Variants in DIAPH3 observed in about 807,000 individuals in gnomAD.
DIAPH3 encodes the protein protein diaphanous homolog 3.
Under a neutral mutation model 144.3 loss-of-function variants are expected in DIAPH3, and 117 were observed. The observed-to-expected ratio is 0.81, with a 90% CI of 0.70 to 0.95. DIAPH3 has a LOEUF of 0.95. Among genes scored for constraint, DIAPH3 ranks in the 40% least tolerant of loss-of-function variants. The probability of loss-of-function intolerance (pLI) is 0.00; values close to 1 mark genes in which losing one functional copy is unlikely to be tolerated. For missense variants in DIAPH3, 1,421 were observed against 1,412.7 expected (o/e 1.01, Z -0.09); for synonymous variants, 519 against 488.9 (o/e 1.06, Z -0.81).
chr13:59,862,082 G>A (rs1315683508), intron 21 of DIAPH3, among the ~76,000 whole-genome samples: 4 of 152,138 alleles, frequency 2.6e-5, no homozygotes, highest in African/African-American at 9.7e-5. Flanking sequence ...AGTTGTATGG[G>A]CTTAGGGAAA....
chr13:59,816,942 T>C (rs1375529910), intron 24 of DIAPH3, among the ~76,000 whole-genome samples: 1 of 151,970 alleles, frequency 6.6e-6, no homozygotes, highest in Non-Finnish European at 1.5e-5. Flanking sequence ...TTCAATATTG[T>C]TCAGGTATAA....
intron 9 of DIAPH3, among the ~76,000 whole-genome samples, chr13:60,008,001 A>G (rs1303219948): frequency 1.3e-5 from 2 of 152,216 alleles, no homozygotes; most frequent in African/African-American, 4.8e-5. Flanking sequence ...TAATAATTCT[A>G]CTACACGAAA....
At chr13:60,070,941 T>C (rs139756367) in intron 4 of DIAPH3, among the ~76,000 whole-genome samples, 145 of 152,322 alleles carry the variant, frequency 9.5e-4, no homozygotes, top group African/African-American at 3.3e-3. Flanking sequence ...GCTTTTGAAA[T>C]TGATGTATAA....
chr13:59,665,649 C>T lies in DIAPH3; in HGVS notation c.*935G>A, dbSNP rs1457863272. Reference sequence around the variant, plus strand: ...ATATAGAATTAACAGAGTAATGATGCCCAAATGAGGTAATATTACATTTGC... The same window carrying T: ...ATATAGAATTAACAGAGTAATGATGTCCAAATGAGGTAATATTACATTTGC... On this transcript the variant is annotated 3_prime_UTR_variant, in exon 28 of 28. Coordinates refer to ENST00000400324, the MANE Select transcript of DIAPH3 (RefSeq NM_001042517.2). The T allele has an allele frequency of 6.6e-6, 1 of 152,494 alleles. No homozygotes were observed. The highest frequency in any genetic ancestry group is 1.5e-5 in the Non-Finnish European group (1 of 68,008). 9.4% of individuals were successfully genotyped at this position (152,494 alleles called of 1,614,324 possible). A position where few individuals can be genotyped will look rare whatever the true frequency, so the allele number is the denominator to read the frequency against.
intron 7 of DIAPH3, 93 bp downstream of exon 7, chr13:60,015,820 C>T: frequency 9.0e-7 from 1 of 1,113,962 alleles, no homozygotes; most frequent in South Asian, 1.3e-5. Context: ...TACTAAAAAA[C>T]ACATCAGAAC....
intron 27 of DIAPH3, among the ~76,000 whole-genome samples, chr13:59,698,368 TC>T (rs973817102): frequency 6.6e-6 from 1 of 152,180 alleles, no homozygotes; most frequent in African/African-American, 2.4e-5. Flanking sequence ...TAAAATGATG[TC>T]TTTTTAGTGA....
At chr13:60,147,838 G>T (rs1317217216) in intron 1 of DIAPH3, among the ~76,000 whole-genome samples, 2 of 152,178 alleles carry the variant, frequency 1.3e-5, no homozygotes, top group Non-Finnish European at 1.5e-5. Flanking sequence ...TTTTAAGCAG[G>T]TTCCATAATC....
intron 27 of DIAPH3, among the ~76,000 whole-genome samples, chr13:59,668,435 T>C (rs760189747): frequency 2.0e-5 from 3 of 152,222 alleles, no homozygotes; most frequent in East Asian, 3.8e-4. Context: ...TATTCTGCTA[T>C]TGGACAACTC....
intron 1 of DIAPH3, among the ~76,000 whole-genome samples, chr13:60,139,814 C>T (rs924385186): frequency 1.4e-4 from 22 of 152,126 alleles, no homozygotes; most frequent in African/African-American, 4.8e-4. Context: ...AATATAATGG[C>T]TAATTTAGTA....
intron 22 of DIAPH3, among the ~76,000 whole-genome samples, chr13:59,852,078 A>C (rs149638632): frequency 0.014 from 2,073 of 152,302 alleles, 27 homozygotes; most frequent in Non-Finnish European, 0.021. Context: ...AAACATATCA[A>C]AAACTACTAA....
At chr13:59,717,521 A>G (rs532737936) in intron 27 of DIAPH3, among the ~76,000 whole-genome samples, 1 of 152,280 alleles carries the variant, frequency 6.6e-6, no homozygotes, top group South Asian at 2.1e-4. Context: ...GTACAGTCTG[A>G]CCACTCACTC....
chr13:59,675,915 C>T (rs2032627492), intron 27 of DIAPH3, among the ~76,000 whole-genome samples: 2 of 152,136 alleles, frequency 1.3e-5, no homozygotes, highest in Non-Finnish European at 1.5e-5. Flanking sequence ...AACTTGCGAG[C>T]TGTATTAGAA....
intron 20 of DIAPH3, among the ~76,000 whole-genome samples, chr13:59,905,342 CAAAAAAAAAAA>C (rs59114311): frequency 6.0e-4 from 42 of 69,744 alleles, no homozygotes; most frequent in East Asian, 2.2e-3. Flanking sequence ...GACTCTGTCT[CAAAAAAAAAAA>C]AAAAAAAAAA....
chr13:60,089,619 T>A (rs1237994556), intron 4 of DIAPH3, among the ~76,000 whole-genome samples: 18 of 152,214 alleles, frequency 1.2e-4, no homozygotes, highest in Admixed American at 1.2e-3. Flanking sequence ...CATCCTGCTA[T>A]CAAGGCCTTT....
chr13:59,666,748 G>C lies in DIAPH3; in HGVS notation c.3418C>G (p.Leu1140Val). 6.2e-7 allele frequency: 1 copy of C among 1,614,060 alleles called. No individual in the cohort carries two copies. Among genetic ancestry groups the C allele is most frequent in the Non-Finnish European group, 8.5e-7 (1 of 1,179,988 alleles). ...TPVAKELNYN[L>V]DTHTSTGRIK... ...CTCCCAGTAGACGTATGAGTGTCTA[G>C]ATTATAATTAAGCTCCTTGGCGACT... The change falls in exon 28 of 28, where the codon CTA becomes GTA. Residue 1140 changes from leucine to valine, a missense_variant. Leu to Val is a conservative substitution (Grantham distance 32). Coordinates refer to ENST00000400324, the MANE Select transcript of DIAPH3 (RefSeq NM_001042517.2).
intron 12 of DIAPH3, among the ~76,000 whole-genome samples, chr13:59,988,026 T>C (rs572403639): frequency 3.1e-4 from 47 of 151,922 alleles, no homozygotes; most frequent in African/African-American, 1.1e-3. Context: ...CCATTTAGAC[T>C]TTCCTTTCCA....
intron 3 of DIAPH3, among the ~76,000 whole-genome samples, chr13:60,101,959 TATG>T (rs1273478257): frequency 5.9e-5 from 9 of 152,196 alleles, no homozygotes; most frequent in African/African-American, 2.2e-4. Flanking sequence ...TCACATTTCA[TATG>T]GTACTTATTT....
chr13:60,043,590 T>C (rs779607467), intron 4 of DIAPH3, among the ~76,000 whole-genome samples: 8 of 152,172 alleles, frequency 5.3e-5, no homozygotes, highest in Non-Finnish European at 1.0e-4. Flanking sequence ...ACTATGCAAT[T>C]AGCTCTCCTG....
chr13:59,670,607 C>CTG (rs1195176820), intron 27 of DIAPH3, among the ~76,000 whole-genome samples: 1 of 140,456 alleles, frequency 7.1e-6, no homozygotes, highest in Non-Finnish European at 1.5e-5. Context: ...TTTTTTGAGA[C>CTG]AGTCTTGCTC....
Sources: gnomAD v4.1 joint callset for allele counts (sites outside exome capture counted in the v4.1 genomes callset) on GRCh38, gnomAD v4.1.1 for gene constraint, MANE v1.5 for transcripts, NCBI Gene and HGNC (gene_info 2026-07-23, HGNC 2026-07-21) for gene names.